The following SLIT3 variants were observed in gnomAD, a reference collection of about 807,000 sequenced individuals.
SLIT3 encodes the protein slit guidance ligand 3.
SLIT3 carries 68 observed loss-of-function variants against 184.0 expected under a neutral mutation model. The ratio of observed to expected loss-of-function variants is 0.37; its 90% confidence interval spans 0.30 to 0.45. The LOEUF is 0.45. Ranked by LOEUF, SLIT3 falls within the 20% of genes least tolerant of loss-of-function variation. SLIT3 has a pLI of 1.00. For synonymous variants in SLIT3, 831 were observed against 828.6 expected, an observed-to-expected ratio of 1.00 and a Z score of -0.05; for missense variants, 1,707 against 2,026.0, an observed-to-expected ratio of 0.84 and a Z score of 3.02.
intron 5 of SLIT3, among the ~76,000 whole-genome samples, chr5:168,880,931 G>A (rs557600221): frequency 2.6e-4 from 39 of 152,214 alleles, no homozygotes; most frequent in African/African-American, 8.4e-4. Flanking sequence ...CATGATTCTT[G>A]TCCCCAGTTA....
chr5:168,669,108 C>A (rs1406160754), intron 35 of SLIT3, among the ~76,000 whole-genome samples: 3 of 152,254 alleles, frequency 2.0e-5, no homozygotes, highest in Admixed American at 2.0e-4. Flanking sequence ...AGTAGCTAGC[C>A]TCCAAGATTG....
intron 10 of SLIT3, among the ~76,000 whole-genome samples, chr5:168,793,141 G>A (rs1380567644): frequency 1.7e-4 from 26 of 152,156 alleles, no homozygotes; most frequent in Non-Finnish European, 4.4e-5. Context: ...CAACCTTTTA[G>A]TTTGTACTTG....
At chr5:169,010,603 A>G (rs1243428972) in intron 4 of SLIT3, among the ~76,000 whole-genome samples, 1 of 152,182 alleles carries the variant, frequency 6.6e-6, no homozygotes, top group East Asian at 1.9e-4. Flanking sequence ...CATCCCTATC[A>G]GAAAATAATG....
rs542093218 is a variant in SLIT3 at position 169,016,415 on chromosome 5, C to T, written c.414-133079G>A. Among the ~76,000 whole-genome samples, 48 of 152,162 alleles carry T rather than the reference C, an allele frequency of 3.2e-4. No homozygotes were observed. The South Asian group carries it at 5.6e-3, about 18-fold the overall frequency. On this transcript the variant is annotated intron_variant, in intron 4 of 35. Transcript: ENST00000519560. ...ACTAAGGTATCATGCTGATTACTGGCGGAGTGATTTTTATGAACCAGAAAG... is the reference window on the plus strand; with the variant it reads ...ACTAAGGTATCATGCTGATTACTGGTGGAGTGATTTTTATGAACCAGAAAG...
chr5:169,268,735 A>G (rs1036907470), intron 1 of SLIT3, among the ~76,000 whole-genome samples: 1 of 152,220 alleles, frequency 6.6e-6, no homozygotes, highest in Non-Finnish European at 1.5e-5. Flanking sequence ...AGAACCTCAG[A>G]GGGTTTTTGA....
At chr5:169,076,235 C>G (rs770174348) in intron 4 of SLIT3, among the ~76,000 whole-genome samples, 1 of 152,170 alleles carries the variant, frequency 6.6e-6, no homozygotes, top group East Asian at 1.9e-4. Context: ...ATAAAGAGTG[C>G]TATTCAAAAG....
In SLIT3 at chr5:168,671,357, G is replaced by A; in HGVS notation, c.3968C>T (p.Pro1323Leu). 6.2e-7 allele frequency: 1 copy of A among 1,614,178 alleles called. No homozygotes were observed. Residue 1323 changes from proline (P) to leucine (L), a missense_variant, in exon 34 of 36, where the codon CCA becomes CTA. Physicochemically the swap from Pro to Leu is moderately conservative, Grantham distance 98. Coordinates refer to ENST00000519560, the MANE Select transcript of SLIT3 (RefSeq NM_003062.4). The stretch of plus-strand genomic sequence containing the variant: ...GCCTGGTGACACCCCCAGGGACTGT[G>A]GTGGGAGGGCCTTGAAGTCCTGCAG... ...NELQDFKALP[P>L]QSLGVSPGCK...
intron 3 of SLIT3, among the ~76,000 whole-genome samples, chr5:169,238,382 A>G (rs976229711): frequency 6.6e-6 from 1 of 151,916 alleles, no homozygotes; most frequent in Non-Finnish European, 1.5e-5. Flanking sequence ...CTTTGTGGGT[A>G]TCTCCTTTTA....
chr5:169,207,045 C>CTT (rs560234312), intron 3 of SLIT3, among the ~76,000 whole-genome samples: 171 of 140,846 alleles, frequency 1.2e-3, no homozygotes, highest in East Asian at 0.011. Context: ...TTTCCTTATT[C>CTT]TTTTTTTTTT....
At chr5:169,057,570 T>G (rs72826582) in intron 4 of SLIT3, among the ~76,000 whole-genome samples, 1,571 of 152,264 alleles carry the variant, frequency 0.01, 9 homozygotes, top group Non-Finnish European at 0.017. Flanking sequence ...GAGGCTCTAC[T>G]AGGAAGCAGG....
At chr5:169,270,703 A>G (rs1766573190) in intron 1 of SLIT3, among the ~76,000 whole-genome samples, 1 of 152,218 alleles carries the variant, frequency 6.6e-6, no homozygotes, top group African/African-American at 2.4e-5. Flanking sequence ...AGTCAAAAAA[A>G]TAAGAATAAC....
chr5:169,038,972 G>C (rs1428279113), intron 4 of SLIT3, among the ~76,000 whole-genome samples: 1 of 152,156 alleles, frequency 6.6e-6, no homozygotes, highest in Non-Finnish European at 1.5e-5. Flanking sequence ...TAAGAAAAAA[G>C]CATGGAGAAA....
rs114137342 is a variant in SLIT3 at position 168,900,783 on chromosome 5, A to G, written c.414-17447T>C. ...CACAATGGAATACTATTCAGCCATAAAAACGAATGAAATCATGTCTTTTGC... is the reference window on the plus strand; with the variant it reads ...CACAATGGAATACTATTCAGCCATAGAAACGAATGAAATCATGTCTTTTGC... On this transcript the variant is annotated intron_variant, in intron 4 of 35. Coordinates refer to ENST00000519560, the MANE Select transcript of SLIT3 (RefSeq NM_003062.4). Among the ~76,000 whole-genome samples, 813 of 152,370 alleles carry G rather than the reference A, an allele frequency of 5.3e-3. 7 individuals carry two copies. Among genetic ancestry groups the G allele is most frequent in the African/African-American group, 0.019 (777 of 41,588 alleles).
chr5:168,785,292 A>G (rs773014063), intron 12 of SLIT3, among the ~76,000 whole-genome samples: 4 of 152,258 alleles, frequency 2.6e-5, no homozygotes, highest in Non-Finnish European at 5.9e-5. Context: ...GAGTTCAATT[A>G]TCTTCTTCAA....
At chr5:169,038,312 ACTG>A (rs1199205015) in intron 4 of SLIT3, among the ~76,000 whole-genome samples, 9 of 152,238 alleles carry the variant, frequency 5.9e-5, no homozygotes, top group African/African-American at 2.2e-4. Flanking sequence ...TCAATATGGA[ACTG>A]CTGATTGAAT....
chr5:169,193,943 A>T (rs1763654181), intron 3 of SLIT3, among the ~76,000 whole-genome samples: 2 of 152,064 alleles, frequency 1.3e-5, no homozygotes, highest in African/African-American at 4.8e-5. Context: ...ACACCTAAAA[A>T]CATAAATGGG....
At chr5:169,196,226 G>A (rs1361775135) in intron 3 of SLIT3, among the ~76,000 whole-genome samples, 1 of 152,136 alleles carries the variant, frequency 6.6e-6, no homozygotes, top group African/African-American at 2.4e-5. Context: ...TATGTTTTGA[G>A]TAGTTCCCAT....
At chr5:169,009,878 T>C (rs1404586689) in intron 4 of SLIT3, among the ~76,000 whole-genome samples, 1 of 152,220 alleles carries the variant, frequency 6.6e-6, no homozygotes, top group African/African-American at 2.4e-5. Context: ...GAACTATTAA[T>C]TTATATTTAT....
chr5:168,851,802 T>TA (rs1391401574), intron 5 of SLIT3, among the ~76,000 whole-genome samples: 2 of 152,188 alleles, frequency 1.3e-5, no homozygotes, highest in Non-Finnish European at 2.9e-5. Flanking sequence ...AAAATAGATT[T>TA]ATTCTTGGCA....
Sources: gnomAD v4.1 joint callset for allele counts (sites outside exome capture counted in the v4.1 genomes callset) on GRCh38, gnomAD v4.1.1 for gene constraint, MANE v1.5 for transcripts, NCBI Gene and HGNC (gene_info 2026-07-23, HGNC 2026-07-21) for gene names.